ABCB7: variants seen among roughly 807,000 people sequenced by gnomAD.
ABCB7 encodes ATP binding cassette subfamily B member 7.
In ABCB7, 7 loss-of-function variants were observed where a neutral mutation model predicts 54.4. The observed-to-expected ratio is 0.13, with a 90% confidence interval of 0.07 to 0.24. ABCB7 has a LOEUF of 0.24. ABCB7 is among the 10% of genes least tolerant of loss of function. The pLI, the probability that ABCB7 is intolerant of heterozygous loss-of-function variation, is 1.00. For synonymous variants in ABCB7, 218 were observed against 207.1 expected, an observed-to-expected ratio of 1.05 and a Z score of -0.45; for missense variants, 356 against 570.4, an observed-to-expected ratio of 0.62 and a Z score of 3.83.
At chrX:75,143,811 A>C in intron 1 of ABCB7, among the ~76,000 whole-genome samples, 1 of 110,945 alleles carries the variant, frequency 9.0e-6, no homozygotes, top group East Asian at 2.8e-4. Context: ...AACAGCACAA[A>C]AAAAGACTTG....
Position 75,052,035 on chromosome X carries a change from C to T in ABCB7, c.*1335G>A, listed in dbSNP as rs893816986. 5.2e-4 allele frequency: 58 copies of T among 112,069 alleles called. No homozygotes were observed. The highest frequency in any genetic ancestry group is 1.8e-3 in the African/African-American group (57 of 30,895). 9.2% of individuals were successfully genotyped at this position (112,069 alleles called of 1,213,427 possible). On this transcript the variant is annotated 3_prime_UTR_variant, in exon 16 of 16. Transcript: ENST00000373394. ...GTTTTGTCCAAAACAAAAACAGTGC[C>T]TCATATTTTTATGGAAAAATAAAAT...
At chrX:75,098,824 G>A (rs1464490566) in intron 4 of ABCB7, 118 bp downstream of exon 4, 3 of 857,004 alleles carry the variant, frequency 3.5e-6, no homozygotes, top group Admixed American at 2.3e-5. Flanking sequence ...TAAACTAAAT[G>A]AGGGTCCTAA....
intron 3 of ABCB7, among the ~76,000 whole-genome samples, chrX:75,111,488 T>G (rs1003568494): frequency 1.8e-5 from 2 of 111,808 alleles, no homozygotes; most frequent in Admixed American, 1.9e-4. Context: ...GAAACTGAAG[T>G]ACACAGAGAT....
At chrX:75,081,486 GAAC>G in intron 4 of ABCB7, among the ~76,000 whole-genome samples, 1 of 111,857 alleles carries the variant, frequency 8.9e-6, no homozygotes, top group Admixed American at 9.5e-5. Flanking sequence ...CTTGAAGATA[GAAC>G]AATAATTAGG....
intron 1 of ABCB7, among the ~76,000 whole-genome samples, chrX:75,125,779 T>C (rs1432483310): frequency 9.1e-6 from 1 of 109,311 alleles, no homozygotes; most frequent in East Asian, 2.8e-4. Flanking sequence ...CCCAAACCAA[T>C]TGAATTAGCT....
At position 75,069,487 on chromosome X, in the gene ABCB7, C is replaced by T. The variant is rs375727351; in HGVS notation, c.1366-33G>A. 23 of 1,181,685 alleles carry T rather than the reference C, an allele frequency of 1.9e-5. 1 individual carries two copies. The highest frequency in any genetic ancestry group is 2.4e-5 in the Non-Finnish European group (21 of 870,470). The stretch of plus-strand genomic sequence containing the variant: ...GGAAGAGAAAAAAAAAGCCACTTTA[C>T]GCACTGCCTAGAGTACAGCTACGAA... On this transcript the variant is annotated intron_variant, in intron 10 of 15. Coordinates refer to ENST00000373394, the MANE Select transcript of ABCB7 (RefSeq NM_001271696.3).
chrX:75,119,548 G>A (rs1209634060), intron 1 of ABCB7, among the ~76,000 whole-genome samples: 2 of 111,979 alleles, frequency 1.8e-5, no homozygotes, highest in African/African-American at 6.5e-5. Flanking sequence ...TTAAAATTGG[G>A]TAGATACGTC....
At chrX:75,108,073 T>G (rs1312423770) in intron 3 of ABCB7, among the ~76,000 whole-genome samples, 2 of 111,144 alleles carry the variant, frequency 1.8e-5, no homozygotes, top group African/African-American at 3.3e-5. Context: ...GTACTCCCCG[T>G]GACCTGTGGT....
chrX:75,143,761 A>C (rs769427139), intron 1 of ABCB7, among the ~76,000 whole-genome samples: 1 of 110,805 alleles, frequency 9.0e-6, no homozygotes, highest in East Asian at 2.9e-4. Context: ...TCTCCCTTAT[A>C]AAACCATCAG....
chrX:75,076,720 T>G (rs2081413627), intron 4 of ABCB7, 66 bp from the exon 5 acceptor site: 1 of 1,054,359 alleles, frequency 9.5e-7, no homozygotes, highest in Admixed American at 2.4e-5. Flanking sequence ...GTACAAATAT[T>G]TACCTTAAAT....
chrX:75,100,081 T>TA (rs993134552), intron 3 of ABCB7, among the ~76,000 whole-genome samples: 85 of 109,042 alleles, frequency 7.8e-4, no homozygotes, highest in East Asian at 2.3e-3. Flanking sequence ...GAATTTATGC[T>TA]AAAAAAAAAC....
At chrX:75,135,677 T>C (rs1353513955) in intron 1 of ABCB7, among the ~76,000 whole-genome samples, 1 of 111,459 alleles carries the variant, frequency 9.0e-6, no homozygotes, top group Non-Finnish European at 1.9e-5. Context: ...GTTCAACATA[T>C]AAAAATCAAT....
At chrX:75,065,018 A>C in intron 13 of ABCB7, 52 bp downstream of exon 13, 1 of 1,180,372 alleles carries the variant, frequency 8.5e-7, no homozygotes, top group Non-Finnish European at 1.1e-6. Flanking sequence ...CTGACAAATT[A>C]GAGTTTGAAA....
In ABCB7 at chrX:75,065,188, G is replaced by C; in HGVS notation, c.1713C>G (p.Ile571Met). The change falls in exon 13 of 16, where the codon ATC (isoleucine) becomes ATG (methionine). Residue 571 changes from isoleucine to methionine, a missense_variant. Around this residue, in one of 2 missense-constraint regions of ABCB7, gnomAD observed 241 missense variants for 470.9 expected, o/e 0.51. Coordinates refer to ENST00000373394, the MANE Select transcript of ABCB7 (RefSeq NM_001271696.3). The stretch of plus-strand genomic sequence containing the variant: ...CATACACTTCCTCAGGTGAAGCACT[G>C]ATGTTTCCATATAAGAGGTTGTAAT... ...TIYYNLLYGN[I>M]SASPEEVYAV... The C allele has an allele frequency of 8.3e-7, 1 of 1,209,594 alleles. No homozygotes were observed. The highest frequency in any genetic ancestry group is 1.1e-6 in the Non-Finnish European group (1 of 893,762).
rs2081646872 is a variant in ABCB7, at chrX:75,102,325, T to A, written c.334-3264A>T. ...GTTTGTACCCATTGACCAATCTCCC[T>A]CTATCCCCCACTCCTAACCACACAC... On this transcript the variant is annotated intron_variant, in intron 3 of 15. Transcript: ENST00000373394. Among the ~76,000 whole-genome samples the A allele has an allele frequency of 3.6e-5, 4 of 110,939 alleles. No homozygotes were observed. In the Admixed American group the frequency reaches 3.8e-4, roughly 11 times the overall value.
rs149292834 is a variant in ABCB7 at position 75,118,785 on chromosome X, C to T, written c.169-3954G>A. Among the ~76,000 whole-genome samples, 102 of 111,605 alleles carry T rather than the reference C, an allele frequency of 9.1e-4. No homozygotes were observed. In the East Asian group the frequency reaches 0.025, roughly 28 times the overall value. On this transcript the variant is annotated intron_variant, in intron 1 of 15. Transcript: ENST00000373394. ...TGGATCAGAGAAGCATGCTCTTAGCCACCTAGGAAGTATGGAGATGTCCCC... is the reference window on the plus strand; with the variant it reads ...TGGATCAGAGAAGCATGCTCTTAGCTACCTAGGAAGTATGGAGATGTCCCC...
At chrX:75,090,605 C>T (rs1323168133) in intron 4 of ABCB7, among the ~76,000 whole-genome samples, 3 of 106,688 alleles carry the variant, frequency 2.8e-5, no homozygotes, top group Non-Finnish European at 5.8e-5. Flanking sequence ...AAAAAAAGTG[C>T]AAATTAAATC....
chrX:75,059,559 G>A (rs756707500), intron 15 of ABCB7, among the ~76,000 whole-genome samples: 6 of 111,030 alleles, frequency 5.4e-5, no homozygotes, highest in Non-Finnish European at 9.4e-5. Context: ...ATGCAGGGTG[G>A]AAAACTGCAT....
chrX:75,099,397 T>A (rs1025128855), intron 3 of ABCB7, among the ~76,000 whole-genome samples: 2 of 111,565 alleles, frequency 1.8e-5, no homozygotes, highest in Admixed American at 9.5e-5. Context: ...TCAAAAAAAA[T>A]TTCCATATTT....
Sources: gnomAD v4.1 joint callset for allele counts (sites outside exome capture counted in the v4.1 genomes callset) on GRCh38, gnomAD v4.1.1 for gene constraint, gnomAD v4.1.1 regional missense constraint, MANE v1.5 for transcripts, NCBI Gene and HGNC (gene_info 2026-07-23, HGNC 2026-07-21) for gene names.